Variants in TECRL observed in about 807,000 individuals in gnomAD.
TECRL encodes trans-2,3-enoyl-CoA reductase like.
A neutral mutation model predicts 52.8 loss-of-function variants in TECRL; 63 were observed. The observed-to-expected ratio is 1.19, with a 90% CI of 0.97 to 1.47. TECRL has a LOEUF of 1.47. Among genes scored for constraint, TECRL ranks in the 40% most tolerant of loss-of-function variants. The pLI is 0.00. For synonymous variants in TECRL, 164 were observed against 141.9 expected, an observed-to-expected ratio of 1.16 and a Z score of -1.10; for missense variants, 482 against 429.6, an observed-to-expected ratio of 1.12 and a Z score of -1.08.
intron 7 of TECRL, among the ~76,000 whole-genome samples, chr4:64,304,323 T>C (rs1724201814): frequency 6.6e-6 from 1 of 151,980 alleles, no homozygotes; most frequent in Non-Finnish European, 1.5e-5. Context: ...ATCATTAAAA[T>C]CAATGACTCT....
intron 5 of TECRL, among the ~76,000 whole-genome samples, chr4:64,314,044 G>A (rs1272223240): frequency 6.6e-5 from 10 of 150,562 alleles, no homozygotes; most frequent in Admixed American, 3.3e-4. Flanking sequence ...CAGCTACTCG[G>A]GAGGCTGAGG....
chr4:64,400,621 A>G (rs748761920), intron 1 of TECRL, among the ~76,000 whole-genome samples: 19 of 152,026 alleles, frequency 1.2e-4, no homozygotes, highest in Admixed American at 2.6e-4. Context: ...ATGGGGGAAG[A>G]TTTCTCATGA....
intron 3 of TECRL, 57 bp from the exon 4 acceptor site, chr4:64,322,849 A>C: frequency 7.7e-7 from 1 of 1,295,394 alleles, no homozygotes. Context: ...GCATAACGAT[A>C]AAGAATTTCT....
intron 2 of TECRL, among the ~76,000 whole-genome samples, chr4:64,371,593 T>C (rs1189765936): frequency 6.6e-6 from 1 of 151,620 alleles, no homozygotes. Flanking sequence ...TATTTTATTT[T>C]ATTAATGCAA....
At chr4:64,399,289 G>T (rs1212738909) in intron 1 of TECRL, among the ~76,000 whole-genome samples, 1 of 152,124 alleles carries the variant, frequency 6.6e-6, no homozygotes, top group Non-Finnish European at 1.5e-5. Context: ...AATTTCAGAT[G>T]CAGTAGCAGA....
intron 2 of TECRL, among the ~76,000 whole-genome samples, chr4:64,374,167 A>G (rs1035787921): frequency 1.9e-4 from 28 of 149,094 alleles, no homozygotes; most frequent in African/African-American, 6.1e-4. Flanking sequence ...ATGACTTTAT[A>G]GCAAAATAAA....
At chr4:64,289,789 T>C in intron 8 of TECRL, 22 bp from the exon 9 acceptor site, 1 of 1,505,572 alleles carries the variant, frequency 6.6e-7, no homozygotes, top group Non-Finnish European at 8.9e-7. Context: ...TTTAAACACT[T>C]TCAGTGTGAT....
At chr4:64,310,983 C>G (rs1327886801) in intron 5 of TECRL, among the ~76,000 whole-genome samples, 1 of 152,162 alleles carries the variant, frequency 6.6e-6, no homozygotes, top group Non-Finnish European at 1.5e-5. Context: ...GGTTCCCCAA[C>G]TGCTAGGATT....
At chr4:64,282,006 G>A (rs1337350696) in intron 9 of TECRL, among the ~76,000 whole-genome samples, 1 of 151,718 alleles carries the variant, frequency 6.6e-6, no homozygotes, top group Non-Finnish European at 1.5e-5. Flanking sequence ...GTATTAAATT[G>A]GTGAAAGTCA....
chr4:64,375,242 T>C lies in TECRL; in HGVS notation c.235-19A>G, dbSNP rs745470823. On this transcript the variant is annotated intron_variant, in intron 1 of 11. Transcript: ENST00000381210. ...GTGTCACCTGAAAAGGAAAAGAAAA[T>C]AGAGTTATTTTTAAAAACTGTTAAT... The C allele has an allele frequency of 7.7e-7, 1 of 1,298,374 alleles. No individual in the cohort carries two copies. Among genetic ancestry groups the C allele is most frequent in the Non-Finnish European group, 1.0e-6 (1 of 979,998 alleles). 80.4% of individuals were successfully genotyped at this position (1,298,374 alleles called of 1,614,324 possible). A position where few individuals can be genotyped will look rare whatever the true frequency, so the allele number is the denominator to read the frequency against.
intron 1 of TECRL, among the ~76,000 whole-genome samples, chr4:64,399,605 G>A (rs1427806789): frequency 6.6e-6 from 1 of 152,158 alleles, no homozygotes; most frequent in Non-Finnish European, 1.5e-5. Flanking sequence ...TTTGAGCCCT[G>A]CTGCCTTGCC....
chr4:64,329,648 A>G (rs1202416677), intron 2 of TECRL, among the ~76,000 whole-genome samples: 2 of 151,954 alleles, frequency 1.3e-5, no homozygotes, highest in East Asian at 3.9e-4. Context: ...AAATCAAAAC[A>G]TAAAACATAG....
At chr4:64,377,071 C>G (rs1722449185) in intron 1 of TECRL, among the ~76,000 whole-genome samples, 1 of 152,054 alleles carries the variant, frequency 6.6e-6, no homozygotes, top group Non-Finnish European at 1.5e-5. Context: ...TGCTTATTTT[C>G]AAGACTAACA....
chr4:64,295,728 C>T (rs1217167813), intron 8 of TECRL, among the ~76,000 whole-genome samples: 1 of 151,772 alleles, frequency 6.6e-6, no homozygotes, highest in Non-Finnish European at 1.5e-5. Context: ...GTTTTATAAT[C>T]ACTGCTGATT....
Position 64,279,870 on chromosome 4 carries a change from A to G in TECRL, c.*202T>C. 8.9e-7 allele frequency: 1 copy of G among 1,120,324 alleles called. No homozygotes were observed. Among genetic ancestry groups the G allele is most frequent in the Non-Finnish European group, 1.1e-6 (1 of 916,770 alleles). The allele number at this position is 1,120,324 out of a possible 1,614,324, so 69.4% of individuals were successfully genotyped here. A position where few individuals can be genotyped will look rare whatever the true frequency, so the allele number is the denominator to read the frequency against. ...TGCAAATACATTCAGAGCTGTTCTT[A>G]GTTAATTGCATTTATAATTTATACT... On this transcript the variant is annotated 3_prime_UTR_variant, in exon 12 of 12. Coordinates refer to ENST00000381210, the MANE Select transcript of TECRL (RefSeq NM_001010874.5).
At chr4:64,374,068 T>C (rs975558475) in intron 2 of TECRL, among the ~76,000 whole-genome samples, 2 of 96,442 alleles carry the variant, frequency 2.1e-5, no homozygotes, top group African/African-American at 7.8e-5. Flanking sequence ...TATATATATA[T>C]ATATATATAT....
In TECRL at chr4:64,305,148, A is replaced by G; in HGVS notation, c.730+18T>C. On this transcript the variant is annotated intron_variant, in intron 7 of 11. Transcript: ENST00000381210. ...TGGTCCTTTAGTATACGGTTAGTTA[A>G]GAAGAAACCCTACATACATGGTGGT... 1.3e-6 allele frequency: 2 copies of G among 1,591,792 alleles called. No homozygotes were observed. The highest frequency in any genetic ancestry group is 2.2e-5 in the East Asian group (1 of 44,624).
intron 1 of TECRL, among the ~76,000 whole-genome samples, chr4:64,380,114 A>G (rs1722680914): frequency 6.6e-6 from 1 of 151,962 alleles, no homozygotes. Context: ...GTTAATATCT[A>G]ATTGTAGCTT....
chr4:64,402,150 A>G (rs2109783279), intron 1 of TECRL, among the ~76,000 whole-genome samples: 1 of 152,216 alleles, frequency 6.6e-6, no homozygotes, highest in African/African-American at 2.4e-5. Context: ...TGAACCCAAG[A>G]TAGTTTTATT....
Sources: gnomAD v4.1 joint callset for allele counts (sites outside exome capture counted in the v4.1 genomes callset) on GRCh38, gnomAD v4.1.1 for gene constraint, MANE v1.5 for transcripts, NCBI Gene and HGNC (gene_info 2026-07-23, HGNC 2026-07-21) for gene names.